The following SDC4 variants were observed in gnomAD, a reference collection of about 807,000 sequenced individuals.
SDC4 encodes the protein syndecan 4.
Under a neutral mutation model 20.5 loss-of-function variants are expected in SDC4, and 17 were observed. That is an observed-to-expected ratio of 0.83 (90% CI 0.57 to 1.25). SDC4 has a LOEUF of 1.25. Among genes scored for constraint, SDC4 ranks in the 50% most tolerant of loss-of-function variants. The probability of loss-of-function intolerance (pLI) is 0.00; values close to 1 mark genes in which losing one functional copy is unlikely to be tolerated. For missense variants in SDC4, 241 were observed against 252.3 expected (o/e 0.96, Z 0.30); for synonymous variants, 107 against 105.3 (o/e 1.02, Z -0.10).
chr20:45,342,238 T>C (rs1260828476), intron 1 of SDC4, among the ~76,000 whole-genome samples: 1 of 152,124 alleles, frequency 6.6e-6, no homozygotes, highest in African/African-American at 2.4e-5. Context: ...GGTGCTGGCT[T>C]CCTGCCTCTT....
intron 1 of SDC4, among the ~76,000 whole-genome samples, chr20:45,337,758 C>A (rs745563498): frequency 9.9e-5 from 15 of 152,238 alleles, no homozygotes; most frequent in South Asian, 2.1e-4. Context: ...TCTTCCACCC[C>A]CACAGAGGGA....
chr20:45,344,677 C>A (rs1988005726), intron 1 of SDC4, among the ~76,000 whole-genome samples: 1 of 152,158 alleles, frequency 6.6e-6, no homozygotes, highest in South Asian at 2.1e-4. Flanking sequence ...AGCTGAATGT[C>A]CCCCCGCCAC....
At chr20:45,341,765 GC>G (rs1987956025) in intron 1 of SDC4, among the ~76,000 whole-genome samples, 1 of 152,110 alleles carries the variant, frequency 6.6e-6, no homozygotes, top group African/African-American at 2.4e-5. Context: ...AAGCCTCAGG[GC>G]AGCCCATTCC....
chr20:45,327,400 C>T lies in SDC4; in HGVS notation c.461G>A (p.Gly154Asp), dbSNP rs1279245688. ...GACGGCAAAGAGGATGCCCACGATG[C>T]CACCCACAATCAGAGCTGGAGAGGA... ...TEVLAALIVG[G>D]IVGILFAVFL... The change falls in exon 5 of 5, where the codon GGC (glycine) becomes GAC (aspartate). Residue 154 changes from glycine to aspartate, a missense_variant. Coordinates refer to ENST00000372733, the MANE Select transcript of SDC4 (RefSeq NM_002999.4). The T allele has an allele frequency of 5.0e-6, 8 of 1,613,848 alleles. No individual in the cohort carries two copies. The highest frequency in any genetic ancestry group is 6.8e-6 in the Non-Finnish European group (8 of 1,179,850).
chr20:45,342,008 G>A (rs142752483), intron 1 of SDC4, among the ~76,000 whole-genome samples: 30 of 152,302 alleles, frequency 2.0e-4, no homozygotes, highest in Admixed American at 3.9e-4. Flanking sequence ...GCATTGCTCC[G>A]ATTACCGGTG....
chr20:45,327,467 T>A, intron 4 of SDC4, 52 bp from the exon 5 acceptor site: 1 of 1,571,652 alleles, frequency 6.4e-7, no homozygotes, highest in Middle Eastern at 1.9e-4. Context: ...CATCAGGACC[T>A]AAGGATGAAC....
At chr20:45,328,162 G>T (rs1490614689) in intron 4 of SDC4, among the ~76,000 whole-genome samples, 1 of 152,106 alleles carries the variant, frequency 6.6e-6, no homozygotes, top group Middle Eastern at 3.2e-3. Flanking sequence ...TTCATAGACA[G>T]GTATGTACAT....
chr20:45,344,955 A>G (rs1988009494), intron 1 of SDC4, among the ~76,000 whole-genome samples: 1 of 152,220 alleles, frequency 6.6e-6, no homozygotes, highest in Non-Finnish European at 1.5e-5. Context: ...AGGACACTCA[A>G]ACCAGACACC....
intron 1 of SDC4, among the ~76,000 whole-genome samples, chr20:45,347,521 C>T (rs1000799643): frequency 1.3e-5 from 2 of 152,134 alleles, no homozygotes; most frequent in African/African-American, 4.8e-5. Flanking sequence ...TTGAGGCCTT[C>T]TCTCCCCCCT....
At chr20:45,335,684 C>CA in intron 2 of SDC4, 98 bp downstream of exon 2, 1 of 1,354,160 alleles carries the variant, frequency 7.4e-7, no homozygotes. Context: ...AAAAGTCCCA[C>CA]AAAAATCCAA....
chr20:45,345,272 C>A (rs888292839), intron 1 of SDC4: 1 of 152,074 alleles, frequency 6.6e-6, no homozygotes, highest in African/African-American at 2.4e-5. Flanking sequence ...ATGTTAATTC[C>A]CTCAAGTTAA....
chr20:45,339,458 CTAAG>C (rs560309753), intron 1 of SDC4, among the ~76,000 whole-genome samples: 15 of 152,366 alleles, frequency 9.8e-5, no homozygotes, highest in East Asian at 1.9e-4. Flanking sequence ...AAATTACCAA[CTAAG>C]TAAGACAGTG....
chr20:45,336,249 C>T (rs1213554703), intron 1 of SDC4, among the ~76,000 whole-genome samples: 3 of 152,098 alleles, frequency 2.0e-5, no homozygotes, highest in Admixed American at 6.6e-5. Flanking sequence ...CCCGTCTCTA[C>T]TAAAAATACA....
intron 2 of SDC4, 72 bp downstream of exon 2, chr20:45,335,710 C>T (rs2145711905): frequency 6.6e-7 from 1 of 1,520,666 alleles, no homozygotes; most frequent in South Asian, 1.2e-5. Flanking sequence ...AAGGCATGGT[C>T]ACCCTCCTGG....
chr20:45,335,974 C>T, intron 1 of SDC4, 54 bp from the exon 2 acceptor site: 1 of 1,582,766 alleles, frequency 6.3e-7, no homozygotes, highest in East Asian at 2.2e-5. Flanking sequence ...TCCATGACAG[C>T]TGATGCCCAA....
intron 1 of SDC4, among the ~76,000 whole-genome samples, chr20:45,344,365 C>G (rs1988000538): frequency 6.6e-6 from 1 of 152,202 alleles, no homozygotes; most frequent in East Asian, 1.9e-4. Flanking sequence ...CCAACACCCC[C>G]ACCACAGAGC....
intron 1 of SDC4, among the ~76,000 whole-genome samples, chr20:45,341,766 C>A (rs773005476): frequency 6.6e-6 from 1 of 152,148 alleles, no homozygotes; most frequent in Non-Finnish European, 1.5e-5. Context: ...AGCCTCAGGG[C>A]AGCCCATTCC....
intron 3 of SDC4, among the ~76,000 whole-genome samples, chr20:45,331,151 T>C (rs1987771695): frequency 6.6e-6 from 1 of 152,150 alleles, no homozygotes; most frequent in Non-Finnish European, 1.5e-5. Context: ...ACAGAAGGGA[T>C]GAGACGGAGG....
At position 45,337,405 on chromosome 20, in the gene SDC4, A is replaced by C. The variant is rs573001496; in HGVS notation, c.61-1485T>G. 2.8e-4 allele frequency among the ~76,000 whole-genome samples: 42 copies of C among 152,296 alleles called. 1 individual carries two copies. The highest frequency in any genetic ancestry group is 3.5e-4 in the Non-Finnish European group (24 of 68,006). On this transcript the variant is annotated intron_variant, in intron 1 of 4. Transcript: ENST00000372733. ...CTGCAGGAGCTGGGGGTCTGCTTAG[A>C]ATCACAGAATGCCAGGACCCAAGGA...
Sources: gnomAD v4.1 joint callset for allele counts (sites outside exome capture counted in the v4.1 genomes callset) on GRCh38, gnomAD v4.1.1 for gene constraint, MANE v1.5 for transcripts, NCBI Gene and HGNC (gene_info 2026-07-23, HGNC 2026-07-21) for gene names.